The following ADCY9 variants were observed in gnomAD, a reference collection of about 807,000 sequenced individuals.
The protein encoded by ADCY9 is adenylate cyclase type 9.
ADCY9 carries 50 observed loss-of-function variants against 101.5 expected under a neutral mutation model. The observed-to-expected ratio is 0.49, with a 90% CI of 0.39 to 0.62. The LOEUF is 0.62. Among genes scored for constraint, ADCY9 ranks in the 20% least tolerant of loss-of-function variants. The pLI is 0.00. For missense variants in ADCY9, 1,662 were observed against 1,800.4 expected (o/e 0.92, Z 1.39); for synonymous variants, 905 against 769.3 (o/e 1.18, Z -2.92).
At chr16:4,047,867 T>C (rs1218383323) in intron 2 of ADCY9, among the ~76,000 whole-genome samples, 13 of 152,196 alleles carry the variant, frequency 8.5e-5, no homozygotes, top group Non-Finnish European at 2.9e-5. Flanking sequence ...CCAGAGTGTG[T>C]TGTTTTCTCA....
intron 2 of ADCY9, among the ~76,000 whole-genome samples, chr16:4,026,515 T>G (rs1203135657): frequency 1.3e-5 from 2 of 151,508 alleles, no homozygotes; most frequent in African/African-American, 2.4e-5. Flanking sequence ...AAATCAAACC[T>G]TATGTTTACA....
At position 3,974,655 on chromosome 16, in the gene ADCY9, T is replaced by C; in HGVS notation, c.2870+14A>G. Reference sequence around the variant, plus strand: ...CTCGTTTATTCAGACAGAAGTGCAATATTAAAAGCTTACCTGAAATTCTGT... The same window carrying C: ...CTCGTTTATTCAGACAGAAGTGCAACATTAAAAGCTTACCTGAAATTCTGT... On this transcript the variant is annotated intron_variant, in intron 10 of 10. Coordinates refer to ENST00000294016, the MANE Select transcript of ADCY9 (RefSeq NM_001116.4). 6.2e-7 allele frequency: 1 copy of C among 1,608,154 alleles called. No individual in the cohort carries two copies. The highest frequency in any genetic ancestry group is 8.5e-7 in the Non-Finnish European group (1 of 1,174,962).
At chr16:4,026,121 C>T (rs1487352381) in intron 2 of ADCY9, among the ~76,000 whole-genome samples, 1 of 152,070 alleles carries the variant, frequency 6.6e-6, no homozygotes, top group Non-Finnish European at 1.5e-5. Context: ...CAAATTAAAG[C>T]CCATTATGAA....
At chr16:4,081,794 G>A (rs1254167941) in intron 2 of ADCY9, among the ~76,000 whole-genome samples, 2 of 146,826 alleles carry the variant, frequency 1.4e-5, no homozygotes, top group African/African-American at 5.0e-5. Context: ...CTGCAGGGGC[G>A]TGTGGGTAAG....
intron 2 of ADCY9, among the ~76,000 whole-genome samples, chr16:4,061,566 T>G (rs1476571317): frequency 1.3e-5 from 2 of 152,104 alleles, no homozygotes. Context: ...AATGACATAT[T>G]CAAAGCACTG....
downstream of ADCY9, among the ~76,000 whole-genome samples, chr16:3,958,401 G>A (rs896794444): frequency 3.3e-5 from 5 of 151,836 alleles, no homozygotes; most frequent in Non-Finnish European, 5.9e-5. Context: ...TTAGCCGGGT[G>A]TGGTGGTGTG....
chr16:4,047,357 C>G (rs1421204504), intron 2 of ADCY9, among the ~76,000 whole-genome samples: 4 of 152,028 alleles, frequency 2.6e-5, no homozygotes, highest in Non-Finnish European at 5.9e-5. Context: ...ATCATCTAAA[C>G]TACAAATTAT....
At chr16:4,020,078 AAAAAAG>A (rs1219363562) in intron 2 of ADCY9, among the ~76,000 whole-genome samples, 1 of 16,942 alleles carries the variant, frequency 5.9e-5, no homozygotes, top group African/African-American at 1.5e-4. Flanking sequence ...CTCCATCTCA[AAAAAAG>A]AAAAAGAAAA....
At chr16:4,095,752 G>A (rs1053199578) in intron 2 of ADCY9, among the ~76,000 whole-genome samples, 2 of 152,012 alleles carry the variant, frequency 1.3e-5, no homozygotes, top group African/African-American at 4.8e-5. Context: ...CAAGGCAGCT[G>A]GATTGCTTGA....
In ADCY9 at chr16:3,968,343, G is replaced by A. The variant is rs894687537; in HGVS notation, c.2871-1377C>T. On this transcript the variant is annotated intron_variant, in intron 10 of 10. Transcript: ENST00000294016. ...GACGGGGTTTCTCCATGTTGGTCAG[G>A]CTTGTCTCAAACTCCCGACCTCAGG... 1.5e-4 allele frequency among the ~76,000 whole-genome samples: 22 copies of A among 151,522 alleles called. 1 individual carries two copies. Among genetic ancestry groups the A allele is most frequent in the African/African-American group, 5.3e-4 (22 of 41,244 alleles).
intron 2 of ADCY9, among the ~76,000 whole-genome samples, chr16:4,059,807 A>G (rs1328100849): frequency 1.3e-5 from 2 of 152,214 alleles, no homozygotes; most frequent in Non-Finnish European, 2.9e-5. Flanking sequence ...CTGAGGTGGG[A>G]AAATCTCTTG....
At chr16:4,096,415 G>A (rs1295640423) in intron 2 of ADCY9, among the ~76,000 whole-genome samples, 1 of 152,092 alleles carries the variant, frequency 6.6e-6, no homozygotes, top group Non-Finnish European at 1.5e-5. Flanking sequence ...GCTTGTTAGT[G>A]GAGGAAATGT....
intron 2 of ADCY9, among the ~76,000 whole-genome samples, chr16:4,057,750 A>G (rs1429586764): frequency 6.6e-6 from 1 of 152,094 alleles, no homozygotes; most frequent in East Asian, 1.9e-4. Flanking sequence ...AGGCCCGGGG[A>G]GCATTTACGG....
chr16:3,965,637 C>A lies in ADCY9; in HGVS notation c.*138G>T. On this transcript the variant is annotated 3_prime_UTR_variant, in exon 11 of 11. Coordinates refer to ENST00000294016, the MANE Select transcript of ADCY9 (RefSeq NM_001116.4). ...GAACCCTGAATAACTGTGATCCACA[C>A]AGAAGTTAGGGCTGAAATGACCACA... 1 of 743,780 alleles carries A rather than the reference C, an allele frequency of 1.3e-6. No homozygotes were observed. The highest frequency in any genetic ancestry group is 2.2e-6 in the Non-Finnish European group (1 of 462,664). 46.1% of individuals were successfully genotyped at this position (743,780 alleles called of 1,614,324 possible). A position where few individuals can be genotyped will look rare whatever the true frequency, so the allele number is the denominator to read the frequency against.
Position 3,966,483 on chromosome 16 carries a change from T to C in ADCY9, c.3354A>G (p.Ser1118=). ...KTIGATYMAA[S]GLNTAQAQDG... ...CCTGGGCCTGCGCGGTGTTCAGCCC[T>C]GACGCCGCCATGTACGTGGCTCCGA... Residue 1118 remains serine, a synonymous_variant, in exon 11 of 11, where the codon TCA becomes TCG. Coordinates refer to ENST00000294016, the MANE Select transcript of ADCY9 (RefSeq NM_001116.4). 6.2e-7 allele frequency: 1 copy of C among 1,614,158 alleles called. No individual in the cohort carries two copies. The highest frequency in any genetic ancestry group is 8.5e-7 in the Non-Finnish European group (1 of 1,180,044).
intron 2 of ADCY9, among the ~76,000 whole-genome samples, chr16:4,014,147 C>T (rs1038498327): frequency 2.6e-5 from 4 of 151,916 alleles, no homozygotes; most frequent in Admixed American, 6.6e-5. Context: ...GGCGAAATCC[C>T]GTCTCTACTA....
chr16:4,056,707 C>T (rs1364009332), intron 2 of ADCY9, among the ~76,000 whole-genome samples: 1 of 152,188 alleles, frequency 6.6e-6, no homozygotes, highest in Non-Finnish European at 1.5e-5. Context: ...TCTCAAATTC[C>T]CCTCTGCATC....
At chr16:3,969,208 G>A (rs1286151337) in intron 10 of ADCY9, among the ~76,000 whole-genome samples, 1 of 152,060 alleles carries the variant, frequency 6.6e-6, no homozygotes, top group East Asian at 1.9e-4. Flanking sequence ...TGGTCAGGGG[G>A]CTGCAGATGA....
At chr16:4,025,972 G>T (rs1319525198) in intron 2 of ADCY9, among the ~76,000 whole-genome samples, 1 of 152,180 alleles carries the variant, frequency 6.6e-6, no homozygotes, top group Non-Finnish European at 1.5e-5. Context: ...CTGACAGTGG[G>T]CGCTGGCTCT....
Sources: allele counts gnomAD v4.1 joint callset (sites outside exome capture counted in the v4.1 genomes callset), GRCh38; gene constraint gnomAD v4.1.1; transcripts MANE v1.5; gene names NCBI Gene and HGNC (gene_info 2026-07-23, HGNC 2026-07-21).